Variants in SLC6A6 observed in about 807,000 individuals in gnomAD.
SLC6A6 encodes the protein solute carrier family 6 member 6.
In SLC6A6, 16 loss-of-function variants were observed where a neutral mutation model predicts 68.8. That is an observed-to-expected ratio of 0.23 (90% confidence interval 0.16 to 0.35). The LOEUF (loss-of-function observed/expected upper bound fraction) is 0.35. SLC6A6 is among the 10% of genes least tolerant of loss of function. SLC6A6 has a pLI of 1.00. For synonymous variants in SLC6A6, 312 were observed against 315.4 expected (o/e 0.99, Z 0.12); for missense variants, 474 against 802.8 (o/e 0.59, Z 4.95).
chr3:14,435,337 T>C lies in SLC6A6; in HGVS notation c.-11-8287T>C, dbSNP rs1340785925. On this transcript the variant is annotated intron_variant, in intron 2 of 14. Transcript: ENST00000622186. Reference sequence around the variant, plus strand: ...TAGTGTGATCCAGGCAGGAGGCTTCTAGCGGAGGTCGGGGGTCTCTGAGGG... The same window carrying C: ...TAGTGTGATCCAGGCAGGAGGCTTCCAGCGGAGGTCGGGGGTCTCTGAGGG... Among the ~76,000 whole-genome samples the C allele has an allele frequency of 3.9e-5, 6 of 152,286 alleles. No homozygotes were observed. In the East Asian group the frequency reaches 1.2e-3, roughly 29 times the overall value.
At chr3:14,430,479 T>C (rs1699699860) in intron 2 of SLC6A6, among the ~76,000 whole-genome samples, 1 of 152,114 alleles carries the variant, frequency 6.6e-6, no homozygotes. Context: ...CACTGGGGGT[T>C]GCCCTGGGAG....
At chr3:14,482,234 G>A (rs1484188308) in intron 14 of SLC6A6, among the ~76,000 whole-genome samples, 2 of 152,190 alleles carry the variant, frequency 1.3e-5, no homozygotes, top group African/African-American at 4.8e-5. Flanking sequence ...TTCCTGAAGC[G>A]GTGGGACAAA....
intron 2 of SLC6A6, among the ~76,000 whole-genome samples, chr3:14,420,402 A>G (rs1348676940): frequency 6.6e-6 from 1 of 151,290 alleles, no homozygotes; most frequent in Non-Finnish European, 1.5e-5. Context: ...GTAAGCCATG[A>G]TTTGTTTGAC....
chr3:14,445,869 G>T lies in SLC6A6; in HGVS notation c.364+18G>T. 1 of 1,613,772 alleles carries T rather than the reference G, an allele frequency of 6.2e-7. No individual in the cohort carries two copies. The highest frequency in any genetic ancestry group is 8.5e-7 in the Non-Finnish European group (1 of 1,179,678). On this transcript the variant is annotated intron_variant, in intron 4 of 14. Transcript: ENST00000622186. ...GTTCTCTGGTGAGTATGGGACGGAGGTCACTTGGGGCCTGGCACTCATCAG... is the reference window on the plus strand; with the variant it reads ...GTTCTCTGGTGAGTATGGGACGGAGTTCACTTGGGGCCTGGCACTCATCAG...
intron 2 of SLC6A6, among the ~76,000 whole-genome samples, chr3:14,422,648 C>T (rs1046007483): frequency 6.6e-6 from 1 of 152,154 alleles, no homozygotes; most frequent in South Asian, 2.1e-4. Flanking sequence ...CACCCCCACC[C>T]TCCTCCCAGC....
At position 14,468,338 on chromosome 3, in the gene SLC6A6, C is replaced by A. The variant is rs895564556; in HGVS notation, c.1096+126C>A. ...ACGAGCCTGGTTTCTAAAATGGACC[C>A]CCCCCCCGCCACCAAGATATCCCCC... On this transcript the variant is annotated intron_variant, in intron 9 of 14. Transcript: ENST00000622186. This position sits in a 1 kb window ranked among gnomAD's most constrained non-coding sequence, Gnocchi z 4.5. 1.5e-5 allele frequency: 11 copies of A among 732,398 alleles called. No homozygotes were observed. Among genetic ancestry groups the A allele is most frequent in the African/African-American group, 5.6e-5 (3 of 53,724 alleles). The allele number at this position is 732,398 out of a possible 1,614,324, so 45.4% of individuals were successfully genotyped here. A position where few individuals can be genotyped will look rare whatever the true frequency, so the allele number is the denominator to read the frequency against.
chr3:14,467,807 C>G (rs1025746879), intron 7 of SLC6A6, 46 bp from the exon 8 acceptor site: 3 of 1,283,512 alleles, frequency 2.3e-6, no homozygotes, highest in Non-Finnish European at 2.2e-6. Context: ...GAAGCCAGCT[C>G]TGACAGCCCT....
At chr3:14,479,396 G>A (rs1269696965) in intron 13 of SLC6A6, among the ~76,000 whole-genome samples, 1 of 152,238 alleles carries the variant, frequency 6.6e-6, no homozygotes, top group Non-Finnish European at 1.5e-5. Flanking sequence ...GTCAGGAGTA[G>A]AAAACAAGAA....
intron 1 of SLC6A6, among the ~76,000 whole-genome samples, chr3:14,410,316 C>G (rs1320274593): frequency 6.6e-6 from 1 of 152,170 alleles, no homozygotes; most frequent in African/African-American, 2.4e-5. Context: ...AATGCCTCCA[C>G]CTCAAACCTT....
At chr3:14,475,162 G>T (rs1700844860) in intron 10 of SLC6A6, among the ~76,000 whole-genome samples, 2 of 152,152 alleles carry the variant, frequency 1.3e-5, no homozygotes, top group Non-Finnish European at 2.9e-5. Context: ...CTCCCAAGTA[G>T]CTGGGATTAC....
chr3:14,467,385 CGG>C lies in SLC6A6; in HGVS notation c.868-464_868-463del, dbSNP rs773576562. ...TGGGACCTCCTTCTGCATTCTAACT[CGG>C]GGGTCTGCAAACAGTAACAACAATG... On this transcript the variant is annotated intron_variant, in intron 7 of 14. Coordinates refer to ENST00000622186, the MANE Select transcript of SLC6A6 (RefSeq NM_003043.6). 9.2e-5 allele frequency among the ~76,000 whole-genome samples: 14 copies of C among 152,276 alleles called. No homozygotes were observed. The East Asian group carries it at 2.7e-3, about 29-fold the overall frequency.
intron 6 of SLC6A6, among the ~76,000 whole-genome samples, chr3:14,465,440 C>T (rs1194019772): frequency 6.6e-6 from 1 of 152,196 alleles, no homozygotes; most frequent in African/African-American, 2.4e-5. Context: ...TCATTTTCTT[C>T]CCTGAAGGTC....
rs200367448 is a variant in SLC6A6, at chr3:14,479,184, T to C, written c.1550T>C (p.Val517Ala). The C allele has an allele frequency of 6.3e-7, 1 of 1,597,870 alleles. No homozygotes were observed. Among genetic ancestry groups the C allele is most frequent in the African/African-American group, 1.3e-5 (1 of 74,624 alleles). The change falls in exon 13 of 15, where the codon GTT becomes GCT. Residue 517 changes from valine to alanine, a missense_variant and splice_region_variant. Val to Ala is a moderately conservative substitution (Grantham distance 64). This residue lies in a region of SLC6A6 where 194 missense variants were observed against 269.8 expected (regional missense o/e 0.72). Coordinates refer to ENST00000622186, the MANE Select transcript of SLC6A6 (RefSeq NM_003043.6). ...GCTGTGATCACTCCAGTTCTCTGTG[T>C]TGTGAGTTCCATTTCTGTGGCTCTG... Reference protein sequence around the residue: ...SWAVITPVLCVGCFIFSLVKY... With the variant: ...SWAVITPVLCAGCFIFSLVKY...
intron 1 of SLC6A6, among the ~76,000 whole-genome samples, chr3:14,412,242 T>C (rs1188621999): frequency 7.9e-5 from 12 of 152,152 alleles, no homozygotes; most frequent in Non-Finnish European, 1.3e-4. Context: ...GTGTCCCGAT[T>C]TGGGGACAGG....
Position 14,472,887 on chromosome 3 carries a change from G to T in SLC6A6, c.1209+570G>T, listed in dbSNP as rs563948216. ...AGGGGCTGGGCATTGGCTCCCTCCCGTGCTTTATACACCGCACAGGCCGGG... is the reference window on the plus strand; with the variant it reads ...AGGGGCTGGGCATTGGCTCCCTCCCTTGCTTTATACACCGCACAGGCCGGG... On this transcript the variant is annotated intron_variant, in intron 10 of 14. Transcript: ENST00000622186. This position sits in a 1 kb window ranked among gnomAD's most constrained non-coding sequence, Gnocchi z 4.5. 6.6e-6 allele frequency among the ~76,000 whole-genome samples: 1 copy of T among 152,222 alleles called. No individual in the cohort carries two copies.
intron 2 of SLC6A6, among the ~76,000 whole-genome samples, chr3:14,443,330 G>C (rs780783323): frequency 4.6e-5 from 7 of 152,154 alleles, no homozygotes; most frequent in Non-Finnish European, 1.0e-4. Flanking sequence ...ACACCCAGAC[G>C]ACAAACCTGG....
intron 1 of SLC6A6, among the ~76,000 whole-genome samples, chr3:14,411,638 T>G (rs2124898762): frequency 6.6e-6 from 1 of 152,292 alleles, no homozygotes; most frequent in East Asian, 1.9e-4. Flanking sequence ...AGCCTAGGGG[T>G]GTGGCACACA....
At chr3:14,438,729 C>G (rs1470135713) in intron 2 of SLC6A6, among the ~76,000 whole-genome samples, 2 of 152,114 alleles carry the variant, frequency 1.3e-5, no homozygotes, top group Admixed American at 6.5e-5. Flanking sequence ...GAGAAGCAGG[C>G]AAAATAGGAA....
chr3:14,438,815 T>A (rs1316691053), intron 2 of SLC6A6, among the ~76,000 whole-genome samples: 1 of 152,188 alleles, frequency 6.6e-6, no homozygotes, highest in Non-Finnish European at 1.5e-5. Flanking sequence ...AATATGAGAT[T>A]TAAATCATTG....
Sources: gnomAD v4.1 joint callset for allele counts (sites outside exome capture counted in the v4.1 genomes callset) on GRCh38, gnomAD v4.1.1 for gene constraint, gnomAD v4.1.1 regional missense constraint, Gnocchi (gnomAD v3.1) non-coding constraint, MANE v1.5 for transcripts, NCBI Gene and HGNC (gene_info 2026-07-23, HGNC 2026-07-21) for gene names.